Variants in TCF3 observed in about 807,000 individuals in gnomAD.
The protein encoded by TCF3 is transcription factor E2-alpha.
In TCF3, 54 loss-of-function variants were observed where a neutral mutation model predicts 72.3. The observed-to-expected ratio is 0.75, with a 90% confidence interval of 0.60 to 0.94. The LOEUF (loss-of-function observed/expected upper bound fraction) is 0.94. Ranked by LOEUF, TCF3 falls within the 40% of genes least tolerant of loss-of-function variation. TCF3 has a pLI of 0.00. For synonymous variants in TCF3, 525 were observed against 412.6 expected, an observed-to-expected ratio of 1.27 and a Z score of -3.30; for missense variants, 1,078 against 934.4, an observed-to-expected ratio of 1.15 and a Z score of -2.00.
chr19:1,632,912 G>A, intron 3 of TCF3, among the ~76,000 whole-genome samples: 1 of 152,230 alleles, frequency 6.6e-6, no homozygotes, highest in East Asian at 1.9e-4. Flanking sequence ...AGTGTGGGAA[G>A]TGGGGCCGCC....
intron 3 of TCF3, among the ~76,000 whole-genome samples, chr19:1,644,474 A>G (rs2065786013): frequency 6.6e-6 from 1 of 152,158 alleles, no homozygotes; most frequent in African/African-American, 2.4e-5. Flanking sequence ...AGGGCAAAAA[A>G]TGCAACATAC....
chr19:1,619,209 C>T lies in TCF3; in HGVS notation c.1352G>A (p.Gly451Asp). The T allele has an allele frequency of 1.3e-6, 2 of 1,598,284 alleles. No individual in the cohort carries two copies. Among genetic ancestry groups the T allele is most frequent in the Non-Finnish European group, 8.5e-7 (1 of 1,178,770 alleles). Residue 451 changes from glycine to aspartate, a missense_variant, in exon 16 of 19, where the codon GGC (glycine) becomes GAC (aspartate). By Grantham distance (94) the Gly-to-Asp change is moderately conservative (BLOSUM62 -1). Transcript: ENST00000262965. ...GLVGGSHPED[G>D]LAGSTSLMHN... ...CATGAGGCTGGTGCTGCCTGCGAGG[C>T]CGTCCTCGGGGTGGCTGCCTCCAAC...
chr19:1,642,201 GACACGCAC>G (rs1276311879), intron 3 of TCF3, among the ~76,000 whole-genome samples: 1 of 144,000 alleles, frequency 6.9e-6, no homozygotes, highest in African/African-American at 2.6e-5. Flanking sequence ...CACAGACGCA[GACACGCAC>G]ACACGCGCAG....
intron 13 of TCF3, among the ~76,000 whole-genome samples, chr19:1,620,389 T>C (rs1397880086): frequency 6.6e-6 from 1 of 152,112 alleles, no homozygotes; most frequent in African/African-American, 2.4e-5. Context: ...AAGCACGTCC[T>C]CACAGGGATA....
chr19:1,614,313 G>A lies in TCF3; in HGVS notation c.1822+972C>T, dbSNP rs370756427. On this transcript the variant is annotated intron_variant, in intron 18 of 18. Transcript: ENST00000262965. The surrounding 1 kb of genome is among the most constrained non-coding windows in gnomAD (Gnocchi z 5.6). Reference sequence around the variant, plus strand: ...AAACTGACAGGACCAGGGGCTGCGTGCTCCCGGGTCTGGTTTCTTCCCGCA... The same window carrying A: ...AAACTGACAGGACCAGGGGCTGCGTACTCCCGGGTCTGGTTTCTTCCCGCA... Among the ~76,000 whole-genome samples, 7 of 152,348 alleles carry A rather than the reference G, an allele frequency of 4.6e-5. No individual in the cohort carries two copies. The highest frequency in any genetic ancestry group is 1.9e-4 in the East Asian group (1 of 5,180).
At chr19:1,640,286 A>G (rs1471021219) in intron 3 of TCF3, among the ~76,000 whole-genome samples, 4 of 152,214 alleles carry the variant, frequency 2.6e-5, no homozygotes, top group African/African-American at 4.8e-5. Flanking sequence ...CTGTAATCCC[A>G]GCACTTTGGG....
chr19:1,634,170 T>C (rs1208112535), intron 3 of TCF3, among the ~76,000 whole-genome samples: 2 of 152,112 alleles, frequency 1.3e-5, no homozygotes, highest in Non-Finnish European at 2.9e-5. Flanking sequence ...CTCCTAGAAA[T>C]GACAAAAATA....
intron 18 of TCF3, among the ~76,000 whole-genome samples, chr19:1,612,905 TG>T (rs1242624948): frequency 6.8e-6 from 1 of 146,974 alleles, no homozygotes; most frequent in Non-Finnish European, 1.5e-5. Context: ...TGGACAGCAG[TG>T]GGGGTACACG....
At chr19:1,611,929 TCG>T in intron 18 of TCF3, 80 bp from the exon 19 acceptor site, 1 of 89,200 alleles carries the variant, frequency 1.1e-5, no homozygotes, top group East Asian at 1.0e-4. Flanking sequence ...GGGTAGGATG[TCG>T]GGGGGGGGGG....
intron 3 of TCF3, among the ~76,000 whole-genome samples, 165 bp from the exon 4 acceptor site, chr19:1,632,570 C>G (rs958717850): frequency 6.6e-6 from 1 of 152,170 alleles, no homozygotes; most frequent in African/African-American, 2.4e-5. Context: ...CAGTCAGCAG[C>G]TAACACCCAG....
intron 18 of TCF3, among the ~76,000 whole-genome samples, chr19:1,613,058 G>C (rs994345502): frequency 2.7e-5 from 4 of 149,308 alleles, no homozygotes; most frequent in African/African-American, 9.9e-5. Flanking sequence ...GCTGGTGTCG[G>C]GCACAGCAAT....
intron 2 of TCF3, among the ~76,000 whole-genome samples, chr19:1,647,073 C>T (rs2066227786): frequency 6.6e-6 from 1 of 152,144 alleles, no homozygotes; most frequent in South Asian, 2.1e-4. Context: ...GCCCCGGGCC[C>T]GGCAGGAAGC....
Position 1,611,745 on chromosome 19 carries a change from C to T in TCF3, c.1927G>A (p.Gly643Ser). 6.2e-7 allele frequency: 1 copy of T among 1,613,818 alleles called. No individual in the cohort carries two copies. The highest frequency in any genetic ancestry group is 2.2e-5 in the East Asian group (1 of 44,880). Reference sequence around the variant, plus strand: ...GCGGGGTTGTGGGCTTCGCTCAGGCCTGGGTGGGGAGCTGAAAGCACCATC... The same window carrying T: ...GCGGGGTTGTGGGCTTCGCTCAGGCTTGGGTGGGGAGCTGAAAGCACCATC... ...PQMVLSAPHP[G>S]LSEAHNPAGH... is the part of the protein sequence containing the mutation. The change falls in exon 19 of 19, where the codon GGC (glycine) becomes AGC (serine). Residue 643 changes from glycine to serine, a missense_variant. Coordinates refer to ENST00000262965, the MANE Select transcript of TCF3 (RefSeq NM_003200.5).
chr19:1,624,101 T>C (rs2062592797), intron 7 of TCF3, 101 bp from the exon 8 acceptor site: 1 of 1,280,706 alleles, frequency 7.8e-7, no homozygotes, highest in African/African-American at 1.5e-5. Flanking sequence ...TTTCATATAT[T>C]AAAAACCTCG....
chr19:1,644,430 G>A (rs1285337884), intron 3 of TCF3, among the ~76,000 whole-genome samples: 1 of 152,124 alleles, frequency 6.6e-6, no homozygotes, highest in African/African-American at 2.4e-5. Flanking sequence ...GAGCTGGGGG[G>A]TCCCAGGCTG....
At chr19:1,625,773 AG>A in intron 6 of TCF3, 65 bp from the exon 7 acceptor site, 1 of 1,428,858 alleles carries the variant, frequency 7.0e-7, no homozygotes, top group Non-Finnish European at 9.2e-7. Context: ...GTTCCATTCA[AG>A]AAAAAACTGC....
chr19:1,632,241 C>T (rs957788474), intron 4 of TCF3, 91 bp downstream of exon 4: 2 of 1,542,300 alleles, frequency 1.3e-6, no homozygotes, highest in South Asian at 1.2e-5. Flanking sequence ...GGAAGGCTGG[C>T]CCCTTCTCTC....
At chr19:1,624,701 G>A (rs758445659) in intron 7 of TCF3, among the ~76,000 whole-genome samples, 24 of 152,326 alleles carry the variant, frequency 1.6e-4, no homozygotes, top group Non-Finnish European at 2.6e-4. Context: ...ACTCACGGAC[G>A]TGCGCACAGT....
intron 8 of TCF3, among the ~76,000 whole-genome samples, chr19:1,622,765 C>T (rs1048434338): frequency 6.6e-6 from 1 of 152,196 alleles, no homozygotes; most frequent in Admixed American, 6.5e-5. Context: ...ACACCCCATC[C>T]CATCCTTCTC....
Sources: allele counts gnomAD v4.1 joint callset (sites outside exome capture counted in the v4.1 genomes callset), GRCh38; gene constraint gnomAD v4.1.1; non-coding constraint Gnocchi (gnomAD v3.1); transcripts MANE v1.5; gene names NCBI Gene and HGNC (gene_info 2026-07-23, HGNC 2026-07-21).